Variants in NMNAT2 observed in about 807,000 individuals in gnomAD.
NMNAT2 encodes the protein nicotinamide nucleotide adenylyltransferase 2.
NMNAT2 carries 11 observed loss-of-function variants against 41.6 expected under a neutral mutation model. That is an observed-to-expected ratio of 0.26 (90% CI 0.17 to 0.44). NMNAT2 has a LOEUF of 0.44. Among genes scored for constraint, NMNAT2 ranks in the 20% least tolerant of loss-of-function variants. The pLI, the probability that NMNAT2 is intolerant of heterozygous loss-of-function variation, is 1.00. For synonymous variants in NMNAT2, 148 were observed against 151.2 expected (o/e 0.98, Z 0.16); for missense variants, 288 against 407.7 (o/e 0.71, Z 2.53).
chr1:183,385,607 T>C (rs1178664077), intron 1 of NMNAT2, among the ~76,000 whole-genome samples: 2 of 152,124 alleles, frequency 1.3e-5, no homozygotes, highest in African/African-American at 4.8e-5. Flanking sequence ...AATTTTTTTT[T>C]TTTTTCCAGA....
chr1:183,282,132 C>A (rs1347749161), intron 7 of NMNAT2, among the ~76,000 whole-genome samples: 4 of 152,214 alleles, frequency 2.6e-5, no homozygotes, highest in African/African-American at 9.7e-5. Context: ...TTTCTCGGAA[C>A]CTAAGTGTTC....
At chr1:183,355,540 G>A (rs938859138) in intron 1 of NMNAT2, among the ~76,000 whole-genome samples, 6 of 152,220 alleles carry the variant, frequency 3.9e-5, no homozygotes, top group Admixed American at 6.5e-5. Context: ...ATTGACATCC[G>A]TCTCCTTTAC....
chr1:183,412,385 G>A lies in NMNAT2; in HGVS notation c.85+5798C>T, dbSNP rs1051902894. On this transcript the variant is annotated intron_variant, in intron 1 of 10. Coordinates refer to ENST00000287713, the MANE Select transcript of NMNAT2 (RefSeq NM_015039.4). Reference sequence around the variant, plus strand: ...ACTACAGGCATGTGCCACCACGCCCGGCTAATTTTTTGTATTTTTAGTAGA... The same window carrying A: ...ACTACAGGCATGTGCCACCACGCCCAGCTAATTTTTTGTATTTTTAGTAGA... Among the ~76,000 whole-genome samples, 5 of 152,228 alleles carry A rather than the reference G, an allele frequency of 3.3e-5. No individual in the cohort carries two copies. The South Asian group carries it at 6.2e-4, about 19-fold the overall frequency.
At chr1:183,356,917 G>A (rs1451690996) in intron 1 of NMNAT2, among the ~76,000 whole-genome samples, 1 of 152,150 alleles carries the variant, frequency 6.6e-6, no homozygotes, top group Non-Finnish European at 1.5e-5. Context: ...TGGCTGCATA[G>A]TATTCCATGG....
Position 183,418,279 on chromosome 1 carries a change from G to C in NMNAT2, c.-12C>G. ...GTGGTCTCGGTCATGGTGCAGATGGGTCCTTCGCGGTGGTCTAGGGGTTGC... is the reference window on the plus strand; with the variant it reads ...GTGGTCTCGGTCATGGTGCAGATGGCTCCTTCGCGGTGGTCTAGGGGTTGC... On this transcript the variant is annotated 5_prime_UTR_variant, in exon 1 of 11. Coordinates refer to ENST00000287713, the MANE Select transcript of NMNAT2 (RefSeq NM_015039.4). 1 of 1,613,388 alleles carries C rather than the reference G, an allele frequency of 6.2e-7. No homozygotes were observed. Among genetic ancestry groups the C allele is most frequent in the Non-Finnish European group, 8.5e-7 (1 of 1,179,390 alleles).
intron 1 of NMNAT2, among the ~76,000 whole-genome samples, chr1:183,364,100 T>C (rs142749878): frequency 6.6e-6 from 1 of 152,354 alleles, no homozygotes; most frequent in Non-Finnish European, 1.5e-5. Flanking sequence ...AAGCATTGAA[T>C]GTGTGGCCAG....
At chr1:183,416,867 G>C (rs1214281411) in intron 1 of NMNAT2, among the ~76,000 whole-genome samples, 1 of 152,104 alleles carries the variant, frequency 6.6e-6, no homozygotes, top group Non-Finnish European at 1.5e-5. Flanking sequence ...AGGAGGGCTC[G>C]CGCAGTCCTC....
At chr1:183,262,253 G>A (rs76195322) in intron 8 of NMNAT2, among the ~76,000 whole-genome samples, 1 of 148,206 alleles carries the variant, frequency 6.7e-6, no homozygotes, top group Admixed American at 6.8e-5. Flanking sequence ...TCGTTTAAAA[G>A]AAATAACATT....
intron 1 of NMNAT2, among the ~76,000 whole-genome samples, chr1:183,333,205 C>G (rs1181414566): frequency 1.3e-5 from 2 of 152,196 alleles, no homozygotes; most frequent in Non-Finnish European, 2.9e-5. Context: ...CACTCCAGCA[C>G]TCAGAGGCAT....
intron 1 of NMNAT2, among the ~76,000 whole-genome samples, chr1:183,343,597 CT>C (rs1447067099): frequency 6.6e-6 from 1 of 152,212 alleles, no homozygotes; most frequent in Non-Finnish European, 1.5e-5. Flanking sequence ...CATAGATGCT[CT>C]GTAAAAATTA....
intron 1 of NMNAT2, among the ~76,000 whole-genome samples, chr1:183,331,485 G>C (rs1343337768): frequency 6.6e-6 from 1 of 152,190 alleles, no homozygotes; most frequent in Non-Finnish European, 1.5e-5. Context: ...CTCCAACAAG[G>C]GGCAGCCAAG....
At chr1:183,277,512 CAAA>C (rs759856572) in intron 8 of NMNAT2, among the ~76,000 whole-genome samples, 870 of 47,664 alleles carry the variant, frequency 0.018, 4 homozygotes, top group African/African-American at 0.054. Context: ...GACTCCGTCT[CAAA>C]AAAAAAAAAA....
intron 1 of NMNAT2, among the ~76,000 whole-genome samples, chr1:183,298,779 C>A (rs556710744): frequency 6.6e-6 from 1 of 152,286 alleles, no homozygotes; most frequent in South Asian, 2.1e-4. Flanking sequence ...ACAACAACAA[C>A]AACAACAAGA....
intron 1 of NMNAT2, among the ~76,000 whole-genome samples, chr1:183,359,881 T>C (rs1663268986): frequency 6.6e-6 from 1 of 152,214 alleles, no homozygotes; most frequent in African/African-American, 2.4e-5. Context: ...ACCTGCAAGA[T>C]AATGATAGAT....
At chr1:183,325,015 A>C (rs554923998) in intron 1 of NMNAT2, among the ~76,000 whole-genome samples, 1 of 152,132 alleles carries the variant, frequency 6.6e-6, no homozygotes, top group South Asian at 2.1e-4. Flanking sequence ...GTGACCAAGC[A>C]CTCCCTTACA....
At chr1:183,383,451 G>T (rs1663846254) in intron 1 of NMNAT2, among the ~76,000 whole-genome samples, 1 of 152,184 alleles carries the variant, frequency 6.6e-6, no homozygotes, top group Admixed American at 6.5e-5. Context: ...CCCAAAATGG[G>T]TTTTTCTTTT....
At chr1:183,311,641 C>T (rs1450160331) in intron 1 of NMNAT2, among the ~76,000 whole-genome samples, 1 of 151,920 alleles carries the variant, frequency 6.6e-6, no homozygotes, top group African/African-American at 2.4e-5. Flanking sequence ...ATTTACTTTT[C>T]TCACACAGGA....
At chr1:183,291,007 C>A (rs1661526048) in intron 3 of NMNAT2, among the ~76,000 whole-genome samples, 5 of 152,144 alleles carry the variant, frequency 3.3e-5, no homozygotes, top group Admixed American at 3.3e-4. Flanking sequence ...ACCTCCATCT[C>A]CTGGGTTCAA....
In NMNAT2 at chr1:183,290,111, G is replaced by C; in HGVS notation, c.321+17C>G. 1 of 1,562,372 alleles carries C rather than the reference G, an allele frequency of 6.4e-7. No individual in the cohort carries two copies. Among genetic ancestry groups the C allele is most frequent in the Non-Finnish European group, 8.7e-7 (1 of 1,151,694 alleles). On this transcript the variant is annotated intron_variant, in intron 4 of 10. Coordinates refer to ENST00000287713, the MANE Select transcript of NMNAT2 (RefSeq NM_015039.4). ...CACTCTGGTGGTTCACGCATCCCCAGGCTTGGCCCAGCTCACCTTCATGAG... is the reference window on the plus strand; with the variant it reads ...CACTCTGGTGGTTCACGCATCCCCACGCTTGGCCCAGCTCACCTTCATGAG...
Sources: allele counts gnomAD v4.1 joint callset (sites outside exome capture counted in the v4.1 genomes callset), GRCh38; gene constraint gnomAD v4.1.1; transcripts MANE v1.5; gene names NCBI Gene and HGNC (gene_info 2026-07-23, HGNC 2026-07-21).